Variants in SBF2 observed in about 807,000 individuals in gnomAD.
The protein encoded by SBF2 is myotubularin-related protein 13.
Under a neutral mutation model 225.2 loss-of-function variants are expected in SBF2, and 112 were observed. The observed-to-expected ratio is 0.50, with a 90% confidence interval of 0.43 to 0.58. The LOEUF (loss-of-function observed/expected upper bound fraction) is 0.58. SBF2 is among the 20% of genes least tolerant of loss of function. SBF2 has a pLI of 0.00. For missense variants in SBF2, 1,996 were observed against 2,206.2 expected (o/e 0.90, Z 1.91); for synonymous variants, 763 against 773.3 (o/e 0.99, Z 0.22).
intron 2 of SBF2, among the ~76,000 whole-genome samples, chr11:10,142,140 T>C (rs1327719888): frequency 1.3e-5 from 2 of 152,206 alleles, no homozygotes; most frequent in Non-Finnish European, 2.9e-5. Flanking sequence ...CACTTCTGAA[T>C]GCTTTAGACA....
intron 1 of SBF2, among the ~76,000 whole-genome samples, chr11:10,204,688 C>T (rs1312839629): frequency 6.6e-6 from 1 of 150,944 alleles, no homozygotes; most frequent in Non-Finnish European, 1.5e-5. Flanking sequence ...AGTACTGATA[C>T]ATGCTACGTA....
chr11:9,854,394 C>A (rs1305917821), intron 19 of SBF2, among the ~76,000 whole-genome samples: 1 of 152,166 alleles, frequency 6.6e-6, no homozygotes, highest in African/African-American at 2.4e-5. Context: ...TCAGCTCTTA[C>A]TGTTCAACCC....
intron 2 of SBF2, among the ~76,000 whole-genome samples, chr11:10,069,585 G>C (rs564548684): frequency 1.3e-5 from 2 of 152,270 alleles, no homozygotes; most frequent in African/African-American, 4.8e-5. Context: ...TTGGCTCCAA[G>C]ACTTTGCTGC....
intron 22 of SBF2, among the ~76,000 whole-genome samples, chr11:9,849,418 A>T (rs1458312204): frequency 5.3e-5 from 8 of 152,226 alleles, no homozygotes; most frequent in African/African-American, 1.9e-4. Flanking sequence ...TAGTGAATTT[A>T]AGAAGATAAT....
chr11:10,271,221 A>G (rs1962470824), intron 1 of SBF2, among the ~76,000 whole-genome samples: 2 of 41,784 alleles, frequency 4.8e-5, no homozygotes, highest in Admixed American at 2.5e-4. Flanking sequence ...TTTTGAAGTT[A>G]AGAATTCTTT....
At chr11:10,242,177 A>T (rs982084855) in intron 1 of SBF2, among the ~76,000 whole-genome samples, 3 of 152,176 alleles carry the variant, frequency 2.0e-5, no homozygotes, top group Non-Finnish European at 4.4e-5. Context: ...AAATGTGCTG[A>T]TAAGATACAC....
intron 1 of SBF2, among the ~76,000 whole-genome samples, chr11:10,254,374 C>G (rs1022746996): frequency 2.0e-5 from 3 of 150,364 alleles, no homozygotes; most frequent in African/African-American, 7.4e-5. Flanking sequence ...GAGCGAGACC[C>G]TGTCTCAAAA....
At chr11:10,284,999 T>C (rs914113859) in intron 1 of SBF2, among the ~76,000 whole-genome samples, 1 of 152,004 alleles carries the variant, frequency 6.6e-6, no homozygotes, top group African/African-American at 2.4e-5. Flanking sequence ...AAAAGACACT[T>C]TAGGAACAAA....
intron 16 of SBF2, among the ~76,000 whole-genome samples, chr11:9,909,497 C>T (rs1420163957): frequency 1.3e-5 from 2 of 151,862 alleles, no homozygotes; most frequent in Non-Finnish European, 1.5e-5. Flanking sequence ...CAGTGAAACC[C>T]CACCTCTACT....
chr11:9,973,497 G>A (rs943533231), intron 13 of SBF2, among the ~76,000 whole-genome samples: 1 of 152,190 alleles, frequency 6.6e-6, no homozygotes, highest in Non-Finnish European at 1.5e-5. Flanking sequence ...AAAAGAGTTT[G>A]GCAGAATGCA....
At chr11:9,864,706 T>C (rs1348331869) in intron 17 of SBF2, among the ~76,000 whole-genome samples, 2 of 152,058 alleles carry the variant, frequency 1.3e-5, no homozygotes, top group African/African-American at 2.4e-5. Context: ...TTTTAAACCA[T>C]TTAGCCTTCT....
At chr11:9,898,127 T>A (rs1477290820) in intron 16 of SBF2, among the ~76,000 whole-genome samples, 2 of 150,920 alleles carry the variant, frequency 1.3e-5, no homozygotes, top group Non-Finnish European at 3.0e-5. Flanking sequence ...GCAAAGATAA[T>A]CTTTGCCTAT....
At chr11:10,091,276 G>T (rs1002287840) in intron 2 of SBF2, among the ~76,000 whole-genome samples, 6 of 152,174 alleles carry the variant, frequency 3.9e-5, no homozygotes, top group African/African-American at 1.4e-4. Context: ...CTCCAGAACA[G>T]ACATGATACA....
intron 19 of SBF2, among the ~76,000 whole-genome samples, chr11:9,854,413 C>T (rs189276782): frequency 4.3e-4 from 65 of 152,248 alleles, no homozygotes; most frequent in Non-Finnish European, 6.9e-4. Context: ...CCATCAGACT[C>T]TGGGAAAAGA....
chr11:10,232,031 C>A (rs1263510525), intron 1 of SBF2, among the ~76,000 whole-genome samples: 2 of 152,258 alleles, frequency 1.3e-5, no homozygotes, highest in South Asian at 2.1e-4. Flanking sequence ...CCCAGCCTCA[C>A]TGCCGCCTTG....
intron 2 of SBF2, among the ~76,000 whole-genome samples, chr11:10,132,841 C>T (rs1241978759): frequency 2.0e-5 from 3 of 148,722 alleles, no homozygotes; most frequent in African/African-American, 5.0e-5. Flanking sequence ...CTGATTGGTG[C>T]GTTTACAATC....
intron 37 of SBF2, 114 bp downstream of exon 37, chr11:9,785,011 T>G: frequency 1.1e-6 from 1 of 946,332 alleles, no homozygotes; most frequent in Non-Finnish European, 1.7e-6. Context: ...GCAAATCCAT[T>G]TCAAGTTTAT....
At chr11:10,028,947 A>G (rs1949150711) in intron 5 of SBF2, among the ~76,000 whole-genome samples, 2 of 152,198 alleles carry the variant, frequency 1.3e-5, no homozygotes, top group African/African-American at 4.8e-5. Context: ...AGGAGGAGAG[A>G]GCAAGAGAGA....
chr11:10,065,228 G>GAAAAC (rs968142058), intron 2 of SBF2, among the ~76,000 whole-genome samples: 16 of 152,172 alleles, frequency 1.1e-4, no homozygotes, highest in Middle Eastern at 3.4e-3. Flanking sequence ...AAATGAAAAT[G>GAAAAC]AAAACAACCT....
Sources: allele counts gnomAD v4.1 joint callset (sites outside exome capture counted in the v4.1 genomes callset), GRCh38; gene constraint gnomAD v4.1.1; transcripts MANE v1.5; gene names NCBI Gene and HGNC (gene_info 2026-07-23, HGNC 2026-07-21).